The following OSBPL3 variants were observed in gnomAD, a reference collection of about 807,000 sequenced individuals.
OSBPL3 encodes the protein oxysterol-binding protein-related protein 3.
OSBPL3 carries 65 observed loss-of-function variants against 120.1 expected under a neutral mutation model. The ratio of observed to expected loss-of-function variants is 0.54; its 90% CI spans 0.44 to 0.67. The LOEUF (loss-of-function observed/expected upper bound fraction) is 0.67. Among genes scored for constraint, OSBPL3 ranks in the 30% least tolerant of loss-of-function variants. The probability of loss-of-function intolerance (pLI) is 0.00; values close to 1 mark genes in which losing one functional copy is unlikely to be tolerated. For missense variants in OSBPL3, 1,004 were observed against 1,082.1 expected (o/e 0.93, Z 1.01); for synonymous variants, 416 against 402.6 (o/e 1.03, Z -0.40).
Position 24,821,345 on chromosome 7 carries a change from A to C in OSBPL3, c.1885-1107T>G, listed in dbSNP as rs553782900. 6.6e-6 allele frequency among the ~76,000 whole-genome samples: 1 copy of C among 152,224 alleles called. No individual in the cohort carries two copies. The highest frequency in any genetic ancestry group is 1.5e-5 in the Non-Finnish European group (1 of 68,028). On this transcript the variant is annotated intron_variant, in intron 16 of 22. Transcript: ENST00000313367. This position sits in a 1 kb window ranked among gnomAD's most constrained non-coding sequence, Gnocchi z 5.5. ...TTTTCAAACTTTGCAAAAAGAAGAA[A>C]AAAAATGTTTTAAGCAGCTGTACAG...
chr7:24,910,951 C>A (rs1207323392), intron 1 of OSBPL3, among the ~76,000 whole-genome samples: 1 of 152,180 alleles, frequency 6.6e-6, no homozygotes, highest in East Asian at 1.9e-4. Flanking sequence ...CCATTTCATA[C>A]TAACTGGTCC....
intron 16 of OSBPL3, among the ~76,000 whole-genome samples, chr7:24,823,835 C>T (rs1795392479): frequency 6.6e-6 from 1 of 152,208 alleles, no homozygotes; most frequent in Admixed American, 6.5e-5. Flanking sequence ...AGGTAATTCA[C>T]AGTTAATCAC....
At chr7:24,949,020 T>C (rs1814070876) in intron 1 of OSBPL3, among the ~76,000 whole-genome samples, 1 of 152,220 alleles carries the variant, frequency 6.6e-6, no homozygotes, top group South Asian at 2.1e-4. Flanking sequence ...TACTTCTTTA[T>C]TTTTCCTTTG....
rs894640668 is a variant in OSBPL3 at position 24,899,875 on chromosome 7, G to A, written c.-149-7254C>T. On this transcript the variant is annotated intron_variant, in intron 1 of 22. Transcript: ENST00000313367. This position sits in a 1 kb window ranked among gnomAD's most constrained non-coding sequence, Gnocchi z 4.0. ...AGTTGAATCAGAATTTCTATCTAGAGACGGGCCTGATAATCTGCATGTTTA... is the reference window on the plus strand; with the variant it reads ...AGTTGAATCAGAATTTCTATCTAGAAACGGGCCTGATAATCTGCATGTTTA... Among the ~76,000 whole-genome samples, 6 of 152,208 alleles carry A rather than the reference G, an allele frequency of 3.9e-5. No individual in the cohort carries two copies. Among genetic ancestry groups the A allele is most frequent in the Non-Finnish European group, 8.8e-5 (6 of 68,042 alleles).
At chr7:24,844,497 T>C (rs1333324960) in intron 12 of OSBPL3, among the ~76,000 whole-genome samples, 1 of 151,930 alleles carries the variant, frequency 6.6e-6, no homozygotes, top group Non-Finnish European at 1.5e-5. Flanking sequence ...AACCCCTAAA[T>C]TAAATAAACA....
chr7:24,863,569 T>C lies in OSBPL3; in HGVS notation c.704A>G (p.Glu235Gly), dbSNP rs995473220. ...CATGCTTTGCAGGAGCTGGCTCATT[T>C]CTACCAGGTAGGCATGACAGTGCGC... is the stretch of plus-strand genomic sequence containing the variant. ...DLAHCHAYLV[E>G]MSQLLQSMDV... The change falls in exon 8 of 23, where the codon GAA becomes GGA. Residue 235 changes from glutamate to glycine, a missense_variant. Coordinates refer to ENST00000313367, the MANE Select transcript of OSBPL3 (RefSeq NM_015550.4). The surrounding 1 kb of genome is among the most constrained non-coding windows in gnomAD (Gnocchi z 5.8). 1.2e-6 allele frequency: 2 copies of C among 1,614,060 alleles called. No homozygotes were observed. Among genetic ancestry groups the C allele is most frequent in the Non-Finnish European group, 1.7e-6 (2 of 1,179,892 alleles).
At chr7:24,944,499 A>G (rs6973076) in intron 1 of OSBPL3, among the ~76,000 whole-genome samples, 38,258 of 151,858 alleles carry the variant, frequency 0.25, 5,575 homozygotes, top group Non-Finnish European at 0.34. Flanking sequence ...GCATGGTGGC[A>G]CGTACCTGTA....
Position 24,955,268 on chromosome 7 carries a change from C to T in OSBPL3, c.-150+24618G>A, listed in dbSNP as rs927793642. On this transcript the variant is annotated intron_variant, in intron 1 of 22. Transcript: ENST00000313367. The surrounding 1 kb of genome is among the most constrained non-coding windows in gnomAD (Gnocchi z 4.3). ...GGTTAATTTACCAGTTAATTCCCCA[C>T]CAACAAGGAAGAAAGCAAACTTTTC... Among the ~76,000 whole-genome samples the T allele has an allele frequency of 6.6e-5, 10 of 152,252 alleles. No homozygotes were observed. The highest frequency in any genetic ancestry group is 2.4e-4 in the African/African-American group (10 of 41,466).
At chr7:24,923,961 G>T (rs1054264814) in intron 1 of OSBPL3, among the ~76,000 whole-genome samples, 2 of 152,208 alleles carry the variant, frequency 1.3e-5, no homozygotes, top group Admixed American at 6.5e-5. Flanking sequence ...ATGAGAAGCA[G>T]CACTGGCAAT....
At position 24,819,154 on chromosome 7, in the gene OSBPL3, G is replaced by C. The variant is rs546137644; in HGVS notation, c.1948+1021C>G. On this transcript the variant is annotated intron_variant, in intron 17 of 22. Coordinates refer to ENST00000313367, the MANE Select transcript of OSBPL3 (RefSeq NM_015550.4). This position sits in a 1 kb window ranked among gnomAD's most constrained non-coding sequence, Gnocchi z 4.1. Reference sequence around the variant, plus strand: ...TGTAGTCCCAGCTACTCGGGAGGCTGAGACAGGAGAATCACTTGAACACGG... The same window carrying C: ...TGTAGTCCCAGCTACTCGGGAGGCTCAGACAGGAGAATCACTTGAACACGG... Among the ~76,000 whole-genome samples the C allele has an allele frequency of 6.6e-6, 1 of 151,436 alleles. No homozygotes were observed. The highest frequency in any genetic ancestry group is 2.4e-5 in the African/African-American group (1 of 41,250).
intron 6 of OSBPL3, 135 bp downstream of exon 6, chr7:24,865,932 GACT>G (rs1458435297): frequency 1.5e-6 from 1 of 662,836 alleles, no homozygotes; most frequent in Non-Finnish European, 2.6e-6. Context: ...TGGGCAAACA[GACT>G]AATTAAATAC....
intron 1 of OSBPL3, among the ~76,000 whole-genome samples, chr7:24,914,980 C>T (rs1486308557): frequency 1.3e-5 from 2 of 152,100 alleles, no homozygotes; most frequent in Non-Finnish European, 2.9e-5. Flanking sequence ...TACTTCGTAA[C>T]CAAAAAAGTT....
intron 1 of OSBPL3, among the ~76,000 whole-genome samples, chr7:24,903,598 T>G (rs1255995524): frequency 6.6e-6 from 1 of 152,236 alleles, no homozygotes; most frequent in East Asian, 1.9e-4. Context: ...CAAATAGATA[T>G]GTTGATGAAT....
intron 5 of OSBPL3, among the ~76,000 whole-genome samples, chr7:24,870,086 T>C (rs754596890): frequency 1.3e-5 from 2 of 152,214 alleles, no homozygotes; most frequent in Non-Finnish European, 1.5e-5. Flanking sequence ...CATTTTGTTA[T>C]AGGTGAAAAA....
At chr7:24,914,975 C>T (rs1388331486) in intron 1 of OSBPL3, among the ~76,000 whole-genome samples, 1 of 152,118 alleles carries the variant, frequency 6.6e-6, no homozygotes, top group Non-Finnish European at 1.5e-5. Context: ...GATCATACTT[C>T]GTAACCAAAA....
intron 1 of OSBPL3, among the ~76,000 whole-genome samples, chr7:24,908,083 A>C (rs1259191296): frequency 6.6e-6 from 1 of 152,174 alleles, no homozygotes; most frequent in Non-Finnish European, 1.5e-5. Flanking sequence ...CTTTGGCCAC[A>C]AGAGACATCA....
rs1803695017 is a variant in OSBPL3, at chr7:24,881,616, T to C, written c.97-9547A>G. Among the ~76,000 whole-genome samples the C allele has an allele frequency of 6.6e-6, 1 of 152,184 alleles. No homozygotes were observed. The highest frequency in any genetic ancestry group is 1.5e-5 in the Non-Finnish European group (1 of 68,034). The stretch of plus-strand genomic sequence containing the variant: ...ACAGGCATAATCTCCAAAGCCTAGA[T>C]CCACATGAGCTGGGACTCCCAGAAA... On this transcript the variant is annotated intron_variant, in intron 2 of 22. Coordinates refer to ENST00000313367, the MANE Select transcript of OSBPL3 (RefSeq NM_015550.4). This position sits in a 1 kb window ranked among gnomAD's most constrained non-coding sequence, Gnocchi z 4.3.
rs1477088721 is a variant in OSBPL3, at chr7:24,862,927, CA to C, written c.870+272del. ...GGCTCAACAGTGAAGGTGGGGAAACCAAAAGCCCTAGAAATGGCAGCAGTCC... is the reference window on the plus strand; with the variant it reads ...GGCTCAACAGTGAAGGTGGGGAAACCAAAGCCCTAGAAATGGCAGCAGTCC... On this transcript the variant is annotated intron_variant, in intron 9 of 22. Coordinates refer to ENST00000313367, the MANE Select transcript of OSBPL3 (RefSeq NM_015550.4). The surrounding 1 kb of genome is among the most constrained non-coding windows in gnomAD (Gnocchi z 4.4). 6.6e-6 allele frequency among the ~76,000 whole-genome samples: 1 copy of C among 152,162 alleles called. No homozygotes were observed. The highest frequency in any genetic ancestry group is 1.5e-5 in the Non-Finnish European group (1 of 68,026).
intron 1 of OSBPL3, among the ~76,000 whole-genome samples, chr7:24,925,948 T>A (rs1446226219): frequency 6.6e-6 from 1 of 152,210 alleles, no homozygotes; most frequent in African/African-American, 2.4e-5. Context: ...AATATAAAGT[T>A]TATCTTGTTT....
Sources: gnomAD v4.1 joint callset for allele counts (sites outside exome capture counted in the v4.1 genomes callset) on GRCh38, gnomAD v4.1.1 for gene constraint, Gnocchi (gnomAD v3.1) non-coding constraint, MANE v1.5 for transcripts, NCBI Gene and HGNC (gene_info 2026-07-23, HGNC 2026-07-21) for gene names.